RTN4: variants seen among roughly 807,000 people sequenced by gnomAD.
RTN4 encodes the protein reticulon-4.
RTN4 carries 32 observed loss-of-function variants against 90.4 expected under a neutral mutation model. The observed-to-expected ratio is 0.35, with a 90% CI of 0.27 to 0.48. The LOEUF is 0.48. Ranked by LOEUF, RTN4 falls within the 20% of genes least tolerant of loss-of-function variation. The pLI, the probability that RTN4 is intolerant of heterozygous loss-of-function variation, is 0.99. For synonymous variants in RTN4, 629 were observed against 552.5 expected, an observed-to-expected ratio of 1.14 and a Z score of -1.94; for missense variants, 1,706 against 1,430.2, an observed-to-expected ratio of 1.19 and a Z score of -3.11.
At chr2:55,100,286 T>C (rs939364177) in intron 1 of RTN4, among the ~76,000 whole-genome samples, 1 of 152,126 alleles carries the variant, frequency 6.6e-6, no homozygotes, top group African/African-American at 2.4e-5. Flanking sequence ...CACATTCGTC[T>C]TGTCTTTCCT....
chr2:55,083,192 T>C (rs867358611), intron 1 of RTN4, among the ~76,000 whole-genome samples: 20 of 152,162 alleles, frequency 1.3e-4, no homozygotes, highest in African/African-American at 4.8e-4. Context: ...CTTATAAATA[T>C]AACAATAAAA....
intron 3 of RTN4, among the ~76,000 whole-genome samples, chr2:55,005,511 T>C (rs1388374468): frequency 6.6e-6 from 1 of 152,190 alleles, no homozygotes; most frequent in Non-Finnish European, 1.5e-5. Flanking sequence ...CATTCACTGA[T>C]GAAAATAACA....
intron 4 of RTN4, among the ~76,000 whole-genome samples, chr2:54,984,880 A>G (rs973158036): frequency 6.6e-6 from 1 of 152,216 alleles, no homozygotes; most frequent in Non-Finnish European, 1.5e-5. Context: ...TTGAGGCAGG[A>G]GGATTGCTTG....
At chr2:54,986,227 T>C (rs1231266479) in intron 4 of RTN4, among the ~76,000 whole-genome samples, 1 of 152,088 alleles carries the variant, frequency 6.6e-6, no homozygotes, top group Admixed American at 6.6e-5. Context: ...AAAAAAGTGG[T>C]ACTTCTAGAA....
upstream of RTN4, chr2:55,050,687 G>C (rs1245128334): frequency 6.0e-6 from 1 of 165,592 alleles, no homozygotes; most frequent in Non-Finnish European, 1.3e-5. This position sits in a 1 kb window ranked among gnomAD's most constrained non-coding sequence, Gnocchi z 4.6. Context: ...ATGAAAGTGG[G>C]TGGGGACTAC....
Position 55,056,561 on chromosome 2 carries a change from C to CA in RTN4, c.-63+23927dup, listed in dbSNP as rs931108173. The stretch of plus-strand genomic sequence containing the variant: ...GGCAACATGGCGAACCTGATTTCTA[C>CA]AAAAAATACAAAAATTAGCTGGGCG... On this transcript the variant is annotated intron_variant, in intron 2 of 3. Transcript: ENST00000427710. The CA allele has an allele frequency of 1.3e-4, 20 of 150,846 alleles. No homozygotes were observed. In the Middle Eastern group the frequency reaches 0.02, roughly 154 times the overall value. The allele number at this position is 150,846 out of a possible 1,614,324, so 9.3% of individuals were successfully genotyped here. A position where few individuals can be genotyped will look rare whatever the true frequency, so the allele number is the denominator to read the frequency against.
chr2:55,129,064 C>T, the RTN4 span, among the ~76,000 whole-genome samples: 1 of 146,396 alleles, frequency 6.8e-6, no homozygotes, highest in Non-Finnish European at 1.5e-5. Context: ...GCCGAGATCG[C>T]GCCACTACAC....
At chr2:55,050,476 C>A (rs200030571), upstream of RTN4, 3 of 417,174 alleles carry the variant, frequency 7.2e-6, no homozygotes, top group South Asian at 1.5e-4. This position sits in a 1 kb window ranked among gnomAD's most constrained non-coding sequence, Gnocchi z 4.6. Flanking sequence ...TGCCTCCGCG[C>A]CGGTGATGCG....
chr2:54,990,209 G>A (rs1305946453), intron 3 of RTN4, among the ~76,000 whole-genome samples: 2 of 152,112 alleles, frequency 1.3e-5, no homozygotes, highest in African/African-American at 4.8e-5. Flanking sequence ...AAACTTTTGA[G>A]ATTTACTGCA....
chr2:55,115,627 T>C (rs1359963004), upstream of RTN4, among the ~76,000 whole-genome samples: 1 of 152,228 alleles, frequency 6.6e-6, no homozygotes, highest in Admixed American at 6.5e-5. Flanking sequence ...CTAATGCTAC[T>C]GCCCAAGAAA....
intron 1 of RTN4, among the ~76,000 whole-genome samples, chr2:55,085,294 T>TGG (rs1558873707): frequency 2.0e-5 from 3 of 151,404 alleles, no homozygotes; most frequent in African/African-American, 7.3e-5. Flanking sequence ...TGGGGGTGTG[T>TGG]GTGTATATAT....
At chr2:55,003,191 A>C (rs1483906964) in intron 3 of RTN4, among the ~76,000 whole-genome samples, 1 of 152,192 alleles carries the variant, frequency 6.6e-6, no homozygotes, top group Non-Finnish European at 1.5e-5. Context: ...TAAGTAAATC[A>C]GTTATATTTC....
intron 3 of RTN4, among the ~76,000 whole-genome samples, chr2:55,010,669 G>C (rs968666192): frequency 6.6e-6 from 1 of 152,122 alleles, no homozygotes; most frequent in Non-Finnish European, 1.5e-5. Context: ...GAAATGATGA[G>C]TCTCCTTAAT....
chr2:54,977,191 T>G (rs1297002262), intron 5 of RTN4, among the ~76,000 whole-genome samples: 3 of 152,246 alleles, frequency 2.0e-5, no homozygotes, highest in Non-Finnish European at 2.9e-5. Context: ...TCTCAAACTC[T>G]AAACTCTACT....
intron 1 of RTN4, among the ~76,000 whole-genome samples, chr2:55,042,156 T>C (rs1683117410): frequency 6.6e-6 from 1 of 152,118 alleles, no homozygotes; most frequent in African/African-American, 2.4e-5. Context: ...GGTAAAGATA[T>C]AAGGGAAAAG....
At chr2:54,992,172 A>C (rs539297426) in intron 3 of RTN4, among the ~76,000 whole-genome samples, 2 of 152,280 alleles carry the variant, frequency 1.3e-5, no homozygotes, top group East Asian at 1.9e-4. Context: ...ACAAACAAAC[A>C]AACCTAATGA....
chr2:54,992,091 TTGGGAGGCCGAGG>T (rs1679056217), intron 3 of RTN4, among the ~76,000 whole-genome samples: 1 of 152,090 alleles, frequency 6.6e-6, no homozygotes, highest in Non-Finnish European at 1.5e-5. Flanking sequence ...TTCCAGCACT[TTGGGAGGCCGAGG>T]TGGGAGGCCA....
intron 1 of RTN4, among the ~76,000 whole-genome samples, chr2:55,033,625 T>C (rs573401671): frequency 2.0e-5 from 3 of 152,218 alleles, no homozygotes; most frequent in Non-Finnish European, 4.4e-5. Flanking sequence ...AAGGCTATGA[T>C]GTGCCTTACA....
At chr2:55,068,176 C>A (rs540472862) in intron 2 of RTN4, among the ~76,000 whole-genome samples, 1 of 152,258 alleles carries the variant, frequency 6.6e-6, no homozygotes, top group African/African-American at 2.4e-5. Flanking sequence ...TATCAAAACT[C>A]AATAAGTAGT....
Sources: gnomAD v4.1 joint callset for allele counts (sites outside exome capture counted in the v4.1 genomes callset) on GRCh38, gnomAD v4.1.1 for gene constraint, Gnocchi (gnomAD v3.1) non-coding constraint, MANE v1.5 for transcripts, NCBI Gene and HGNC (gene_info 2026-07-23, HGNC 2026-07-21) for gene names.